AOAH: variants seen among roughly 807,000 people sequenced by gnomAD.
The protein encoded by AOAH is acyloxyacyl hydrolase (neutrophil).
AOAH carries 64 observed loss-of-function variants against 92.2 expected under a neutral mutation model. The observed-to-expected ratio is 0.69, with a 90% CI of 0.57 to 0.86. AOAH has a LOEUF of 0.86. Ranked by LOEUF, AOAH falls within the 40% of genes least tolerant of loss-of-function variation. The probability of loss-of-function intolerance (pLI) is 0.00; values close to 1 mark genes in which losing one functional copy is unlikely to be tolerated. For synonymous variants in AOAH, 263 were observed against 254.5 expected (o/e 1.03, Z -0.32); for missense variants, 656 against 694.6 (o/e 0.94, Z 0.62).
chr7:36,608,912 G>T (rs201532263), intron 11 of AOAH, among the ~76,000 whole-genome samples: 6 of 139,724 alleles, frequency 4.3e-5, no homozygotes, highest in Non-Finnish European at 6.2e-5. Flanking sequence ...CGGCGGGGAG[G>T]GGGGGGGGTC....
At chr7:36,565,465 C>T (rs1301061128) in intron 13 of AOAH, among the ~76,000 whole-genome samples, 2 of 152,064 alleles carry the variant, frequency 1.3e-5, no homozygotes, top group African/African-American at 4.8e-5. Context: ...GAAATGATTT[C>T]CAAAAAGTTG....
chr7:36,666,931 T>C (rs1036868820), intron 3 of AOAH, among the ~76,000 whole-genome samples: 1 of 152,242 alleles, frequency 6.6e-6, no homozygotes, highest in Non-Finnish European at 1.5e-5. Flanking sequence ...CAGCAGACAT[T>C]ATATAATTTC....
chr7:36,657,573 A>AG (rs1794964770), intron 4 of AOAH, among the ~76,000 whole-genome samples: 1 of 152,164 alleles, frequency 6.6e-6, no homozygotes, highest in Non-Finnish European at 1.5e-5. Context: ...GAGGCTGGAG[A>AG]GGGGGACCCG....
At chr7:36,716,342 T>G (rs1017327737) in intron 1 of AOAH, among the ~76,000 whole-genome samples, 23 of 151,192 alleles carry the variant, frequency 1.5e-4, no homozygotes, top group Non-Finnish European at 3.1e-4. Context: ...GGAGAGGATG[T>G]GGAGAAATAG....
At chr7:36,529,593 G>A (rs3801299) in intron 19 of AOAH, among the ~76,000 whole-genome samples, 63,920 of 152,012 alleles carry the variant, frequency 0.42, 15,667 homozygotes, top group Non-Finnish European at 0.54. Context: ...GGCACTGGGG[G>A]TGGGGGACAG....
At chr7:36,643,642 T>C (rs1794044309) in intron 4 of AOAH, among the ~76,000 whole-genome samples, 1 of 152,200 alleles carries the variant, frequency 6.6e-6, no homozygotes, top group African/African-American at 2.4e-5. Context: ...TTAGTGTTTA[T>C]GTTTGATATG....
chr7:36,698,429 C>T (rs1001147610), intron 1 of AOAH, among the ~76,000 whole-genome samples: 18 of 151,904 alleles, frequency 1.2e-4, no homozygotes, highest in African/African-American at 3.6e-4. Flanking sequence ...TTTTATTTTA[C>T]CATTTTCTGC....
intron 15 of AOAH, among the ~76,000 whole-genome samples, chr7:36,547,708 T>C (rs1785902445): frequency 6.6e-6 from 1 of 152,208 alleles, no homozygotes; most frequent in South Asian, 2.1e-4. Flanking sequence ...ATGGCATTCA[T>C]ACATGCATCA....
At chr7:36,668,390 G>A (rs1795693372) in intron 3 of AOAH, among the ~76,000 whole-genome samples, 1 of 152,148 alleles carries the variant, frequency 6.6e-6, no homozygotes, top group African/African-American at 2.4e-5. Context: ...TGGCTCCTGT[G>A]GCAATTTTTG....
At chr7:36,568,356 T>C (rs959603324) in intron 13 of AOAH, among the ~76,000 whole-genome samples, 7 of 152,250 alleles carry the variant, frequency 4.6e-5, no homozygotes, top group Non-Finnish European at 8.8e-5. Flanking sequence ...TGGTTCTCAA[T>C]GGCCTTTAGC....
chr7:36,650,694 G>T (rs546800783), intron 4 of AOAH, among the ~76,000 whole-genome samples: 1 of 152,306 alleles, frequency 6.6e-6, no homozygotes, highest in East Asian at 1.9e-4. Context: ...ATAGTCCACT[G>T]AGACCAGATA....
chr7:36,679,846 TGGG>T (rs1454145582), intron 2 of AOAH, among the ~76,000 whole-genome samples: 48 of 152,098 alleles, frequency 3.2e-4, no homozygotes, highest in Admixed American at 1.4e-3. Context: ...TTAGTAGAGA[TGGG>T]GTTTCACCAC....
At chr7:36,677,562 T>A (rs1262474002) in intron 2 of AOAH, among the ~76,000 whole-genome samples, 1 of 152,204 alleles carries the variant, frequency 6.6e-6, no homozygotes, top group African/African-American at 2.4e-5. Flanking sequence ...TACTATGTGA[T>A]CCAGCAATAT....
chr7:36,549,538 G>A (rs1314536048), intron 13 of AOAH, 63 bp from the exon 14 acceptor site: 2 of 1,161,130 alleles, frequency 1.7e-6, no homozygotes, highest in Non-Finnish European at 2.5e-6. Context: ...CTATCAATAT[G>A]GGAGTCTGAT....
chr7:36,591,610 C>T (rs1421946349), intron 12 of AOAH, among the ~76,000 whole-genome samples: 1 of 152,176 alleles, frequency 6.6e-6, no homozygotes, highest in African/African-American at 2.4e-5. Context: ...GCCTGCTGGG[C>T]ACTGATCAGG....
intron 12 of AOAH, among the ~76,000 whole-genome samples, chr7:36,582,795 T>C (rs1396792793): frequency 2.6e-5 from 4 of 151,978 alleles, no homozygotes; most frequent in Non-Finnish European, 5.9e-5. Context: ...CCAGATGTGA[T>C]ATGATTCAAG....
chr7:36,697,649 G>C (rs1320304826), intron 1 of AOAH, among the ~76,000 whole-genome samples: 1 of 152,162 alleles, frequency 6.6e-6, no homozygotes, highest in Non-Finnish European at 1.5e-5. Flanking sequence ...AAGCCATCTA[G>C]GCTTGGGATT....
chr7:36,520,892 G>T (rs1042623681), intron 20 of AOAH, among the ~76,000 whole-genome samples: 1 of 152,126 alleles, frequency 6.6e-6, no homozygotes, highest in African/African-American at 2.4e-5. Context: ...CTGATTTTTT[G>T]TGTGTGGCTA....
chr7:36,514,173 A>G (rs1211886735), intron 20 of AOAH, among the ~76,000 whole-genome samples: 5 of 152,130 alleles, frequency 3.3e-5, no homozygotes, highest in African/African-American at 1.2e-4. Flanking sequence ...AAGGGGTGGG[A>G]TCTCTCTGAA....
Sources: gnomAD v4.1 joint callset for allele counts (sites outside exome capture counted in the v4.1 genomes callset) on GRCh38, gnomAD v4.1.1 for gene constraint, MANE v1.5 for transcripts, NCBI Gene and HGNC (gene_info 2026-07-23, HGNC 2026-07-21) for gene names.